The following NPFFR2 variants were observed in gnomAD, a reference collection of about 807,000 sequenced individuals.
NPFFR2 encodes neuropeptide FF receptor 2.
NPFFR2 carries 15 observed loss-of-function variants against 13.1 expected under a neutral mutation model. The observed-to-expected ratio is 1.15, with a 90% CI of 0.77 to 1.76. The LOEUF is 1.76. Among genes scored for constraint, NPFFR2 ranks in the 40% most tolerant of loss-of-function variants. The pLI is 0.00. For missense variants in NPFFR2, 572 were observed against 503.5 expected (o/e 1.14, Z -1.30); for synonymous variants, 190 against 175.7 (o/e 1.08, Z -0.65).
chr4:72,114,100 G>A (rs1462574075), intron 1 of NPFFR2, among the ~76,000 whole-genome samples: 2 of 152,040 alleles, frequency 1.3e-5, no homozygotes, highest in Non-Finnish European at 2.9e-5. Flanking sequence ...TGGGTCACTT[G>A]CCCTCTTATT....
intron 1 of NPFFR2, among the ~76,000 whole-genome samples, chr4:72,115,889 C>T (rs1012449634): frequency 6.6e-5 from 10 of 152,092 alleles, no homozygotes; most frequent in African/African-American, 1.4e-4. Context: ...TTCTCACTTT[C>T]GAACAAGTCA....
chr4:72,080,792 C>A (rs1469154286), intron 1 of NPFFR2, among the ~76,000 whole-genome samples: 5 of 151,780 alleles, frequency 3.3e-5, no homozygotes, highest in African/African-American at 7.3e-5. Flanking sequence ...CCTTTACTCT[C>A]AGAAAGATCT....
At chr4:72,133,438 G>A (rs1410989052) in intron 2 of NPFFR2, among the ~76,000 whole-genome samples, 1 of 152,122 alleles carries the variant, frequency 6.6e-6, no homozygotes, top group African/African-American at 2.4e-5. Context: ...AAGTTGGGTA[G>A]CATAATGCCT....
At chr4:72,069,724 A>G (rs1002644811) in intron 1 of NPFFR2, among the ~76,000 whole-genome samples, 6 of 152,190 alleles carry the variant, frequency 3.9e-5, no homozygotes, top group Admixed American at 2.6e-4. Context: ...AATTAGTAAC[A>G]GAATTATTGG....
At position 72,147,797 on chromosome 4, in the gene NPFFR2, C is replaced by A; in HGVS notation, c.1248C>A (p.Asn416Lys). 6.4e-7 allele frequency: 1 copy of A among 1,570,662 alleles called. No homozygotes were observed. Among genetic ancestry groups the A allele is most frequent in the Non-Finnish European group, 8.6e-7 (1 of 1,165,620 alleles). ...TGGAAGAATTAAAAGAAACTACTAA[C>A]AGCAGTGAGATTTAAAAAGAGCTAG... ...LVMEELKETT[N>K]SSEI The change falls in exon 4 of 4, where the codon AAC becomes AAA. Residue 416 changes from asparagine to lysine, a missense_variant. Transcript: ENST00000308744.
intron 1 of NPFFR2, among the ~76,000 whole-genome samples, chr4:72,066,979 G>A (rs1720089168): frequency 6.6e-6 from 1 of 152,080 alleles, no homozygotes; most frequent in African/African-American, 2.4e-5. Context: ...GGGGCTCTCT[G>A]CAGTGGCCCC....
chr4:72,116,898 C>T (rs1721728011), intron 1 of NPFFR2, among the ~76,000 whole-genome samples: 1 of 152,108 alleles, frequency 6.6e-6, no homozygotes, highest in East Asian at 1.9e-4. Context: ...CAGTTTCCCC[C>T]TCCTATAGAC....
At chr4:72,081,653 A>G (rs1458870834) in intron 1 of NPFFR2, among the ~76,000 whole-genome samples, 2 of 151,856 alleles carry the variant, frequency 1.3e-5, no homozygotes, top group Non-Finnish European at 2.9e-5. Flanking sequence ...ACACCTGGCT[A>G]ATTTTTTCTA....
At chr4:72,082,583 A>G (rs74873189) in intron 1 of NPFFR2, among the ~76,000 whole-genome samples, 3,969 of 152,190 alleles carry the variant, frequency 0.026, 141 homozygotes, top group African/African-American at 0.079. Flanking sequence ...GGTTTGATAT[A>G]TATGTATTGT....
At chr4:72,080,865 C>T (rs1401080971) in intron 1 of NPFFR2, among the ~76,000 whole-genome samples, 5 of 148,612 alleles carry the variant, frequency 3.4e-5, no homozygotes, top group Admixed American at 6.6e-5. Context: ...CTCTACTCCA[C>T]CAGCTCTTCT....
intron 1 of NPFFR2, among the ~76,000 whole-genome samples, chr4:72,123,955 G>C (rs1457071375): frequency 6.6e-6 from 1 of 152,158 alleles, no homozygotes; most frequent in Non-Finnish European, 1.5e-5. Context: ...ATTCAATTAG[G>C]AAAGGAGGAA....
At chr4:72,113,178 A>C (rs1721613675) in intron 1 of NPFFR2, among the ~76,000 whole-genome samples, 1 of 152,136 alleles carries the variant, frequency 6.6e-6, no homozygotes, top group Non-Finnish European at 1.5e-5. Context: ...ACATCATTCC[A>C]AGTAGTCATA....
At chr4:72,126,834 TG>T (rs1722055665) in intron 1 of NPFFR2, among the ~76,000 whole-genome samples, 1 of 152,220 alleles carries the variant, frequency 6.6e-6, no homozygotes, top group Non-Finnish European at 1.5e-5. Flanking sequence ...ATTAAGTGCA[TG>T]GGGCCTATGC....
chr4:72,070,836 T>C (rs528769362), intron 1 of NPFFR2, among the ~76,000 whole-genome samples: 1 of 152,250 alleles, frequency 6.6e-6, no homozygotes, highest in Non-Finnish European at 1.5e-5. Context: ...GGTTTAATGA[T>C]TGAAAACGTA....
At chr4:72,146,293 C>A (rs1722780947) in intron 3 of NPFFR2, among the ~76,000 whole-genome samples, 1 of 152,178 alleles carries the variant, frequency 6.6e-6, no homozygotes, top group Non-Finnish European at 1.5e-5. Flanking sequence ...CGGAATCTTT[C>A]TCTACATGCC....
At chr4:72,140,630 G>T (rs1560424051) in intron 3 of NPFFR2, among the ~76,000 whole-genome samples, 1 of 152,160 alleles carries the variant, frequency 6.6e-6, no homozygotes, top group African/African-American at 2.4e-5. Context: ...TGGTGGATAA[G>T]TTTTTTGATG....
intron 1 of NPFFR2, among the ~76,000 whole-genome samples, chr4:72,060,100 G>A (rs1199316059): frequency 6.6e-6 from 1 of 152,080 alleles, no homozygotes; most frequent in Non-Finnish European, 1.5e-5. Context: ...TAAAAATTGG[G>A]TGAGAGACTA....
intron 1 of NPFFR2, among the ~76,000 whole-genome samples, chr4:72,048,137 T>TA (rs1390360493): frequency 6.6e-6 from 1 of 152,016 alleles, no homozygotes; most frequent in Non-Finnish European, 1.5e-5. Context: ...TATACACACG[T>TA]ACGTAAATGC....
chr4:72,045,942 T>C (rs11725009), intron 1 of NPFFR2, among the ~76,000 whole-genome samples: 39,415 of 152,060 alleles, frequency 0.26, 6,291 homozygotes, highest in Admixed American at 0.34. Flanking sequence ...TTTCATACAA[T>C]TAAAAATGTA....
Sources: gnomAD v4.1 joint callset for allele counts (sites outside exome capture counted in the v4.1 genomes callset) on GRCh38, gnomAD v4.1.1 for gene constraint, MANE v1.5 for transcripts, NCBI Gene and HGNC (gene_info 2026-07-23, HGNC 2026-07-21) for gene names.